The following EDIL3 variants were observed in gnomAD, a reference collection of about 807,000 sequenced individuals.
EDIL3 encodes EGF like and discoidin domains 3.
In EDIL3, 37 loss-of-function variants were observed where a neutral mutation model predicts 67.4. That is an observed-to-expected ratio of 0.55 (90% CI 0.42 to 0.72). The LOEUF is 0.72. EDIL3 is among the 30% of genes least tolerant of loss of function. The pLI, the probability that EDIL3 is intolerant of heterozygous loss-of-function variation, is 0.00. For synonymous variants in EDIL3, 195 were observed against 196.3 expected (o/e 0.99, Z 0.05); for missense variants, 527 against 586.3 (o/e 0.90, Z 1.04).
At chr5:84,227,981 T>C (rs1215245325) in intron 3 of EDIL3, among the ~76,000 whole-genome samples, 1 of 152,064 alleles carries the variant, frequency 6.6e-6, no homozygotes, top group Non-Finnish European at 1.5e-5. Flanking sequence ...CTATCCTCCC[T>C]ACCTGGATGC....
At chr5:84,352,830 T>C (rs1747389678) in intron 1 of EDIL3, among the ~76,000 whole-genome samples, 1 of 152,140 alleles carries the variant, frequency 6.6e-6, no homozygotes, top group South Asian at 2.1e-4. Context: ...TATGATGTGA[T>C]ACAATGGCCC....
intron 6 of EDIL3, among the ~76,000 whole-genome samples, chr5:84,074,136 G>C (rs909931332): frequency 6.6e-6 from 1 of 151,662 alleles, no homozygotes; most frequent in Non-Finnish European, 1.5e-5. Context: ...GGGAAAACTG[G>C]CTAGCCATAT....
At chr5:84,191,599 G>A (rs946597733) in intron 3 of EDIL3, among the ~76,000 whole-genome samples, 2 of 151,976 alleles carry the variant, frequency 1.3e-5, no homozygotes, top group South Asian at 4.1e-4. Flanking sequence ...GTAGAATTCT[G>A]TTAAGTGAGC....
At chr5:84,377,187 C>G (rs1310633541) in intron 1 of EDIL3, among the ~76,000 whole-genome samples, 2 of 151,894 alleles carry the variant, frequency 1.3e-5, no homozygotes, top group Non-Finnish European at 2.9e-5. Context: ...ATTAGCCGAG[C>G]CTGTAGTCCC....
intron 1 of EDIL3, among the ~76,000 whole-genome samples, chr5:84,260,559 T>C (rs1417759485): frequency 2.0e-5 from 3 of 152,220 alleles, no homozygotes; most frequent in Non-Finnish European, 4.4e-5. Context: ...ACTGAACATA[T>C]ACTATTGTAT....
chr5:84,236,692 T>C (rs1213640515), intron 2 of EDIL3, among the ~76,000 whole-genome samples: 2 of 152,084 alleles, frequency 1.3e-5, no homozygotes, highest in Admixed American at 6.6e-5. Context: ...GCACAGTGTA[T>C]ATAATTGGTT....
chr5:84,051,479 G>A (rs1040624740), intron 9 of EDIL3, among the ~76,000 whole-genome samples: 6 of 152,222 alleles, frequency 3.9e-5, no homozygotes, highest in African/African-American at 1.4e-4. Flanking sequence ...GACGAGTTGA[G>A]AGAAGAAGGC....
chr5:84,162,812 A>G (rs1455840800), intron 4 of EDIL3, among the ~76,000 whole-genome samples: 2 of 152,020 alleles, frequency 1.3e-5, no homozygotes, highest in Non-Finnish European at 2.9e-5. Flanking sequence ...TCTGTCCTTG[A>G]TCTGTATCCA....
intron 3 of EDIL3, among the ~76,000 whole-genome samples, chr5:84,199,296 G>A (rs1272389669): frequency 6.6e-6 from 1 of 151,892 alleles, no homozygotes; most frequent in African/African-American, 2.4e-5. Context: ...GATGCAGGAT[G>A]GAAAATATTT....
At chr5:84,363,429 A>T (rs1747656563) in intron 1 of EDIL3, among the ~76,000 whole-genome samples, 1 of 150,764 alleles carries the variant, frequency 6.6e-6, no homozygotes, top group East Asian at 1.9e-4. Context: ...TAGCCTGGTG[A>T]CTGAGCAAGA....
At chr5:84,257,713 T>C (rs1745146574) in intron 1 of EDIL3, among the ~76,000 whole-genome samples, 1 of 152,194 alleles carries the variant, frequency 6.6e-6, no homozygotes. Context: ...CCGATTAAGC[T>C]ATTATATAAG....
At chr5:84,261,521 C>T (rs1745222225) in intron 1 of EDIL3, among the ~76,000 whole-genome samples, 1 of 152,136 alleles carries the variant, frequency 6.6e-6, no homozygotes, top group South Asian at 2.1e-4. Context: ...CTGATTCTTA[C>T]CTTCATATGT....
chr5:84,023,701 T>C (rs986102764), intron 9 of EDIL3, among the ~76,000 whole-genome samples: 1 of 152,122 alleles, frequency 6.6e-6, no homozygotes, highest in African/African-American at 2.4e-5. Context: ...TGAAGAGATT[T>C]GTTCTTTTCA....
intron 2 of EDIL3, among the ~76,000 whole-genome samples, chr5:84,230,482 A>G (rs900517708): frequency 1.3e-5 from 2 of 150,994 alleles, no homozygotes; most frequent in Admixed American, 6.6e-5. Flanking sequence ...ATCTCGGCTC[A>G]CTGCAACCTC....
intron 5 of EDIL3, among the ~76,000 whole-genome samples, chr5:84,118,334 T>C (rs1165733376): frequency 6.6e-6 from 1 of 152,022 alleles, no homozygotes; most frequent in East Asian, 1.9e-4. Context: ...AGATAAAAGA[T>C]AAAAAGAAAA....
chr5:84,344,384 T>C (rs1410165763), intron 1 of EDIL3, among the ~76,000 whole-genome samples: 1 of 152,162 alleles, frequency 6.6e-6, no homozygotes, highest in Non-Finnish European at 1.5e-5. Flanking sequence ...TGAGCACATA[T>C]ATTGTGGCAA....
intron 4 of EDIL3, among the ~76,000 whole-genome samples, chr5:84,143,164 G>A (rs542122174): frequency 6.6e-6 from 1 of 151,944 alleles, no homozygotes; most frequent in Non-Finnish European, 1.5e-5. Context: ...CCACTCAGAT[G>A]CTGAACTTAA....
intron 1 of EDIL3, among the ~76,000 whole-genome samples, chr5:84,348,129 AC>A (rs1747270764): frequency 6.6e-6 from 1 of 152,206 alleles, no homozygotes; most frequent in South Asian, 2.1e-4. Flanking sequence ...GAAGAGGGTG[AC>A]CTGAGCTTAA....
At chr5:84,289,791 G>A (rs561224538) in intron 1 of EDIL3, among the ~76,000 whole-genome samples, 6 of 151,990 alleles carry the variant, frequency 3.9e-5, no homozygotes, top group Admixed American at 6.6e-5. Context: ...AAATGAATAC[G>A]CTTACTGAAG....
Sources: allele counts gnomAD v4.1 joint callset (sites outside exome capture counted in the v4.1 genomes callset), GRCh38; gene constraint gnomAD v4.1.1; transcripts MANE v1.5; gene names NCBI Gene and HGNC (gene_info 2026-07-23, HGNC 2026-07-21).